Variants in NFIA observed in about 807,000 individuals in gnomAD.
The protein encoded by NFIA is nuclear factor 1 A-type.
NFIA carries 8 observed loss-of-function variants against 62.8 expected under a neutral mutation model. The ratio of observed to expected loss-of-function variants is 0.13; its 90% CI spans 0.07 to 0.23. NFIA has a LOEUF of 0.23. NFIA is among the 10% of genes least tolerant of loss of function. The probability of loss-of-function intolerance (pLI) is 1.00; values close to 1 mark genes in which losing one functional copy is unlikely to be tolerated. For missense variants in NFIA, 410 were observed against 642.1 expected, an observed-to-expected ratio of 0.64 and a Z score of 3.91; for synonymous variants, 235 against 238.1, an observed-to-expected ratio of 0.99 and a Z score of 0.12.
At chr1:61,352,048 G>A (rs1662571799) in intron 4 of NFIA, among the ~76,000 whole-genome samples, 1 of 152,186 alleles carries the variant, frequency 6.6e-6, no homozygotes, top group Admixed American at 6.6e-5. Context: ...TCTCACCAAA[G>A]TTCAAAACAG....
intron 2 of NFIA, among the ~76,000 whole-genome samples, chr1:61,183,127 T>C (rs1356989603): frequency 6.6e-6 from 1 of 152,218 alleles, no homozygotes; most frequent in African/African-American, 2.4e-5. Flanking sequence ...GGAGGGAGAC[T>C]TGGGAGGATC....
At chr1:61,216,420 A>G (rs1653628771) in intron 2 of NFIA, among the ~76,000 whole-genome samples, 1 of 152,176 alleles carries the variant, frequency 6.6e-6, no homozygotes, top group Admixed American at 6.5e-5. Context: ...GAAGGCCTCT[A>G]CTTCTTGCTC....
At chr1:61,303,565 C>T (rs994155377) in intron 3 of NFIA, among the ~76,000 whole-genome samples, 9 of 152,102 alleles carry the variant, frequency 5.9e-5, no homozygotes, top group African/African-American at 2.2e-4. Context: ...TTGGGGAAGA[C>T]TAGTGTGGAT....
chr1:61,241,786 T>A (rs932833699), intron 2 of NFIA, among the ~76,000 whole-genome samples: 1 of 152,144 alleles, frequency 6.6e-6, no homozygotes, highest in African/African-American at 2.4e-5. Context: ...CACCACGTAC[T>A]ACTTGTTTCA....
intron 2 of NFIA, among the ~76,000 whole-genome samples, chr1:61,206,250 T>G (rs1367898453): frequency 6.6e-6 from 1 of 152,230 alleles, no homozygotes; most frequent in Non-Finnish European, 1.5e-5. Flanking sequence ...TTTTCCTGGT[T>G]GAAAAGTGTT....
Position 61,457,538 on chromosome 1 carries a change from T to C in NFIA, c.*2218T>C, listed in dbSNP as rs913676421. ...GGATGTTGCTGCATTTTACAATTTA[T>C]TTGGAGTCTTCCTTTATTTTCCCCC... On this transcript the variant is annotated 3_prime_UTR_variant, in exon 11 of 11. Transcript: ENST00000403491. The surrounding 1 kb of genome is among the most constrained non-coding windows in gnomAD (Gnocchi z 4.2). 1 of 152,228 alleles carries C rather than the reference T, an allele frequency of 6.6e-6. No homozygotes were observed. Among genetic ancestry groups the C allele is most frequent in the Non-Finnish European group, 1.5e-5 (1 of 68,034 alleles). 9.4% of individuals were successfully genotyped at this position (152,228 alleles called of 1,614,324 possible). A position where few individuals can be genotyped will look rare whatever the true frequency, so the allele number is the denominator to read the frequency against.
chr1:61,122,114 T>C (rs139972030), intron 2 of NFIA, among the ~76,000 whole-genome samples: 2 of 152,334 alleles, frequency 1.3e-5, no homozygotes, highest in African/African-American at 4.8e-5. Context: ...TTTTCCATAT[T>C]TAAAAGTTAA....
At chr1:61,296,753 A>T (rs993182458) in intron 3 of NFIA, among the ~76,000 whole-genome samples, 2 of 152,176 alleles carry the variant, frequency 1.3e-5, no homozygotes, top group Non-Finnish European at 2.9e-5. Flanking sequence ...AGTTCATTTT[A>T]AAAAAGAAAA....
At chr1:61,253,139 T>C (rs1656156843) in intron 2 of NFIA, among the ~76,000 whole-genome samples, 1 of 152,136 alleles carries the variant, frequency 6.6e-6, no homozygotes, top group African/African-American at 2.4e-5. Context: ...TTATACAACA[T>C]GGAAGTCTAA....
intron 3 of NFIA, among the ~76,000 whole-genome samples, chr1:61,282,071 G>A (rs1378733943): frequency 6.6e-6 from 1 of 152,142 alleles, no homozygotes; most frequent in Non-Finnish European, 1.5e-5. Context: ...CAGACACATG[G>A]ACAGAGATTA....
At chr1:61,333,244 A>G (rs1013575333) in intron 4 of NFIA, among the ~76,000 whole-genome samples, 3 of 152,204 alleles carry the variant, frequency 2.0e-5, no homozygotes, top group Non-Finnish European at 4.4e-5. Flanking sequence ...ACTTCAAAAT[A>G]CCACTTGTAG....
At chr1:61,382,006 C>G (rs74086942) in intron 6 of NFIA, among the ~76,000 whole-genome samples, 1 of 152,072 alleles carries the variant, frequency 6.6e-6, no homozygotes, top group Non-Finnish European at 1.5e-5. Context: ...CCAGTTCATC[C>G]AAATAATTCT....
chr1:61,218,362 G>A (rs1653779555), intron 2 of NFIA, among the ~76,000 whole-genome samples: 1 of 152,204 alleles, frequency 6.6e-6, no homozygotes, highest in Non-Finnish European at 1.5e-5. Context: ...ACAAAGTGGT[G>A]TATGTTGGAG....
At chr1:61,375,548 A>G (rs1243835451) in intron 6 of NFIA, among the ~76,000 whole-genome samples, 1 of 152,122 alleles carries the variant, frequency 6.6e-6, no homozygotes, top group South Asian at 2.1e-4. Context: ...CCGCGCCCTC[A>G]CCCAGAAGTA....
At chr1:61,427,783 C>T (rs1170203955) in intron 10 of NFIA, among the ~76,000 whole-genome samples, 1 of 152,158 alleles carries the variant, frequency 6.6e-6, no homozygotes, top group Non-Finnish European at 1.5e-5. Context: ...GAATTTCCCA[C>T]CTCTGCTGTT....
rs1668487970 is a variant in NFIA, at chr1:61,460,536, C to T, written c.*5216C>T. 6.6e-6 allele frequency: 1 copy of T among 152,226 alleles called. No individual in the cohort carries two copies. Among genetic ancestry groups the T allele is most frequent in the Non-Finnish European group, 1.5e-5 (1 of 68,040 alleles). The allele number at this position is 152,226 out of a possible 1,614,324, so 9.4% of individuals were successfully genotyped here. On this transcript the variant is annotated 3_prime_UTR_variant, in exon 11 of 11. Coordinates refer to ENST00000403491, the MANE Select transcript of NFIA (RefSeq NM_001134673.4). ...ATCTGCATGAGAACTATGCACTAAT[C>T]TATCTGAAGAAAAAAACTATATCAA...
chr1:61,246,537 A>T (rs1385175686), intron 2 of NFIA, among the ~76,000 whole-genome samples: 4 of 152,140 alleles, frequency 2.6e-5, no homozygotes, highest in Non-Finnish European at 5.9e-5. Context: ...TTTTGGGGGC[A>T]TCAGTTTCCT....
intron 2 of NFIA, among the ~76,000 whole-genome samples, chr1:61,214,825 A>T (rs898674556): frequency 6.6e-6 from 1 of 152,252 alleles, no homozygotes; most frequent in Non-Finnish European, 1.5e-5. Flanking sequence ...AGTAGCCAGT[A>T]TAACAAATGG....
intron 3 of NFIA, among the ~76,000 whole-genome samples, chr1:61,301,723 C>T (rs371224284): frequency 1.2e-4 from 18 of 152,148 alleles, no homozygotes; most frequent in African/African-American, 4.3e-4. Context: ...GAATGCAGAG[C>T]CTTTTTTAAG....
Sources: gnomAD v4.1 joint callset for allele counts (sites outside exome capture counted in the v4.1 genomes callset) on GRCh38, gnomAD v4.1.1 for gene constraint, Gnocchi (gnomAD v3.1) non-coding constraint, MANE v1.5 for transcripts, NCBI Gene and HGNC (gene_info 2026-07-23, HGNC 2026-07-21) for gene names.